Variants in RSRC1 observed in about 807,000 individuals in gnomAD.
RSRC1 encodes serine/Arginine-related protein 53.
In RSRC1, 39 loss-of-function variants were observed where a neutral mutation model predicts 49.1. The observed-to-expected ratio is 0.79, with a 90% CI of 0.61 to 1.04. RSRC1 has a LOEUF of 1.04. RSRC1 is among the 50% of genes least tolerant of loss of function. RSRC1 has a pLI of 0.00. For synonymous variants in RSRC1, 143 were observed against 130.8 expected, an observed-to-expected ratio of 1.09 and a Z score of -0.63; for missense variants, 388 against 402.4, an observed-to-expected ratio of 0.96 and a Z score of 0.31.
intron 6 of RSRC1, among the ~76,000 whole-genome samples, chr3:158,371,777 A>G (rs954713315): frequency 2.0e-5 from 3 of 151,950 alleles, no homozygotes; most frequent in Admixed American, 2.0e-4. Flanking sequence ...GAGAAACTGC[A>G]AACTGTTTTC....
At chr3:158,324,298 A>G (rs1048281563) in intron 5 of RSRC1, among the ~76,000 whole-genome samples, 3 of 151,902 alleles carry the variant, frequency 2.0e-5, no homozygotes, top group Non-Finnish European at 4.4e-5. Flanking sequence ...TTTGTTACAT[A>G]TGTATACATG....
chr3:158,353,995 C>CTTTTTTTTTTTTTTTTTTTT (rs1230649090), intron 5 of RSRC1, among the ~76,000 whole-genome samples: 2 of 96,302 alleles, frequency 2.1e-5, no homozygotes, highest in Admixed American at 1.4e-4. Context: ...GTTTCTTTTT[C>CTTTTTTTTTTTTTTTTTTTT]TTTTTTTTTT....
chr3:158,274,360 C>T (rs1406520512), intron 4 of RSRC1, among the ~76,000 whole-genome samples: 3 of 137,876 alleles, frequency 2.2e-5, no homozygotes, highest in Non-Finnish European at 4.6e-5. Flanking sequence ...CTGATTTTGC[C>T]AAGGTTAGTC....
intron 7 of RSRC1, among the ~76,000 whole-genome samples, chr3:158,523,012 CTCAACTTTTGGCT>C (rs1404883920): frequency 6.6e-6 from 1 of 152,074 alleles, no homozygotes; most frequent in Non-Finnish European, 1.5e-5. Flanking sequence ...ATGAACATGA[CTCAACTTTTGGCT>C]CTAAAATCAG....
intron 7 of RSRC1, among the ~76,000 whole-genome samples, chr3:158,524,627 G>T (rs572819495): frequency 6.6e-6 from 1 of 151,794 alleles, no homozygotes; most frequent in South Asian, 2.1e-4. Context: ...GTTTATTTTG[G>T]TGCAGACAAA....
chr3:158,264,456 A>G (rs887175540), intron 4 of RSRC1, among the ~76,000 whole-genome samples: 4 of 152,166 alleles, frequency 2.6e-5, no homozygotes, highest in African/African-American at 7.2e-5. Flanking sequence ...ATTTTGATGA[A>G]TGGTTTGAAT....
rs956757966 is a variant in RSRC1, at chr3:158,280,735, C to G, written c.495-17304C>G. 4.1e-5 allele frequency among the ~76,000 whole-genome samples: 6 copies of G among 147,950 alleles called. No homozygotes were observed. In the Admixed American group the frequency reaches 4.2e-4, roughly 10 times the overall value. ...GATCTCGGCTCACTGCAACCTCTGC[C>G]TCCTGGATTCAAACAATTCTCCTGC... On this transcript the variant is annotated intron_variant, in intron 4 of 9. Transcript: ENST00000611884.
At chr3:158,530,141 A>G (rs992903453) in intron 7 of RSRC1, among the ~76,000 whole-genome samples, 1 of 152,024 alleles carries the variant, frequency 6.6e-6, no homozygotes, top group Non-Finnish European at 1.5e-5. Context: ...CCAGCTTATT[A>G]TAAACCATAC....
At chr3:158,435,994 T>TTAAATGTTCAGAATGTCCTTAAATG (rs1736021523) in intron 6 of RSRC1, among the ~76,000 whole-genome samples, 4 of 151,922 alleles carry the variant, frequency 2.6e-5, no homozygotes, top group African/African-American at 4.8e-5. Context: ...CAGAATGTCC[T>TTAAATGTTCAGAATGTCCTTAAATG]TTCTTGTCTT....
chr3:158,238,958 A>G (rs529045657), intron 4 of RSRC1, among the ~76,000 whole-genome samples: 42 of 152,212 alleles, frequency 2.8e-4, no homozygotes, highest in Admixed American at 1.3e-3. Flanking sequence ...AATTTTTTGC[A>G]ATCTACTCGT....
intron 3 of RSRC1, among the ~76,000 whole-genome samples, chr3:158,168,958 C>T (rs1718696505): frequency 6.6e-6 from 1 of 152,076 alleles, no homozygotes; most frequent in East Asian, 1.9e-4. Context: ...AGTGAGTCGC[C>T]AGCCTTCACA....
At chr3:158,446,597 A>G (rs575871263) in intron 6 of RSRC1, among the ~76,000 whole-genome samples, 4 of 152,038 alleles carry the variant, frequency 2.6e-5, no homozygotes, top group African/African-American at 9.7e-5. Context: ...ATCCAGGAAA[A>G]TTTTATAATA....
At chr3:158,392,045 T>G (rs2108295386) in intron 6 of RSRC1, among the ~76,000 whole-genome samples, 1 of 152,188 alleles carries the variant, frequency 6.6e-6, no homozygotes, top group East Asian at 1.9e-4. Flanking sequence ...CTAATTCTGT[T>G]AATGAAAGCA....
intron 5 of RSRC1, among the ~76,000 whole-genome samples, chr3:158,309,772 A>G (rs1488818057): frequency 6.6e-6 from 1 of 151,792 alleles, no homozygotes; most frequent in Non-Finnish European, 1.5e-5. Context: ...TAAAACATTA[A>G]TATAATCTTT....
intron 6 of RSRC1, among the ~76,000 whole-genome samples, chr3:158,441,936 C>A (rs1195253678): frequency 1.3e-5 from 2 of 152,072 alleles, no homozygotes; most frequent in African/African-American, 2.4e-5. Context: ...CACAACAAAG[C>A]AAATGCCACA....
intron 3 of RSRC1, among the ~76,000 whole-genome samples, chr3:158,200,799 A>G (rs367701282): frequency 1.3e-5 from 2 of 152,144 alleles, no homozygotes; most frequent in Non-Finnish European, 2.9e-5. Context: ...GCTTTATTCT[A>G]TAGAGGTTAT....
rs192788275 is a variant in RSRC1, at chr3:158,159,117, G to A, written c.320+35126G>A. ...AGTAAGGAACAGTGTAGTTTGGCTG[G>A]CCTGGCCTGAGATTCTAGGATGTGA... On this transcript the variant is annotated intron_variant, in intron 3 of 9. Coordinates refer to ENST00000611884, the MANE Select transcript of RSRC1 (RefSeq NM_001271838.2). Among the ~76,000 whole-genome samples, 594 of 152,218 alleles carry A rather than the reference G, an allele frequency of 3.9e-3. 3 individuals are homozygous for A. Among genetic ancestry groups the A allele is most frequent in the African/African-American group, 0.013 (560 of 41,530 alleles).
intron 6 of RSRC1, among the ~76,000 whole-genome samples, chr3:158,363,498 C>T (rs1731591221): frequency 6.6e-6 from 1 of 152,142 alleles, no homozygotes; most frequent in African/African-American, 2.4e-5. Context: ...CACCTGACCT[C>T]AAGTGATCTG....
chr3:158,111,198 G>A (rs1714370441), intron 1 of RSRC1, among the ~76,000 whole-genome samples: 1 of 152,152 alleles, frequency 6.6e-6, no homozygotes, highest in Non-Finnish European at 1.5e-5. Context: ...TGCAACCTTG[G>A]GGGAAACTAG....
Sources: allele counts gnomAD v4.1 joint callset (sites outside exome capture counted in the v4.1 genomes callset), GRCh38; gene constraint gnomAD v4.1.1; transcripts MANE v1.5; gene names NCBI Gene and HGNC (gene_info 2026-07-23, HGNC 2026-07-21).